Variants in PTPRD observed in about 807,000 individuals in gnomAD.
The protein encoded by PTPRD is protein tyrosine phosphatase receptor type D.
A neutral mutation model predicts 214.5 loss-of-function variants in PTPRD; 34 were observed. The ratio of observed to expected loss-of-function variants is 0.16; its 90% CI spans 0.12 to 0.21. The LOEUF (loss-of-function observed/expected upper bound fraction) is 0.21, where lower values mean the gene tolerates loss of function less well. Ranked by LOEUF, PTPRD falls within the 10% of genes least tolerant of loss-of-function variation. PTPRD has a pLI of 1.00. For missense variants in PTPRD, 2,545 were observed against 2,398.7 expected (o/e 1.06, Z -1.27); for synonymous variants, 1,128 against 845.7 (o/e 1.33, Z -5.79).
intron 5 of PTPRD, among the ~76,000 whole-genome samples, chr9:9,904,886 GA>G (rs1385095527): frequency 1.3e-5 from 2 of 152,016 alleles, no homozygotes; most frequent in Non-Finnish European, 2.9e-5. Flanking sequence ...ACGAAGTGGG[GA>G]TTTAATTTCT....
rs370918007 is a variant in PTPRD, at chr9:10,055,675, A to G, written c.-544-21885T>C. Among the ~76,000 whole-genome samples the G allele has an allele frequency of 7.0e-4, 107 of 152,176 alleles. 2 individuals carry two copies. The South Asian group carries it at 0.021, about 29-fold the overall frequency. On this transcript the variant is annotated intron_variant, in intron 3 of 45. Coordinates refer to ENST00000381196, the MANE Select transcript of PTPRD (RefSeq NM_002839.4). Reference sequence around the variant, plus strand: ...CACAGTTTTATTTTGCAGTATGTGTATATATACTGAATTATGAATAACCAT... The same window carrying G: ...CACAGTTTTATTTTGCAGTATGTGTGTATATACTGAATTATGAATAACCAT...
At chr9:9,551,918 G>A (rs770139182) in intron 8 of PTPRD, among the ~76,000 whole-genome samples, 2 of 151,486 alleles carry the variant, frequency 1.3e-5, no homozygotes, top group Non-Finnish European at 2.9e-5. Context: ...CATGCAGAAA[G>A]AAATCAGAGT....
At chr9:9,190,032 G>A (rs753880638) in intron 9 of PTPRD, among the ~76,000 whole-genome samples, 37 of 152,062 alleles carry the variant, frequency 2.4e-4, no homozygotes, top group Admixed American at 8.5e-4. Flanking sequence ...AGTGAGGACA[G>A]CATGAGAAGA....
chr9:9,476,700 T>C lies in PTPRD; in HGVS notation c.-236-79218A>G, dbSNP rs111499551. On this transcript the variant is annotated intron_variant, in intron 8 of 45. Coordinates refer to ENST00000381196, the MANE Select transcript of PTPRD (RefSeq NM_002839.4). ...ACAGATAGAAATCTGAAATTTTACA[T>C]AAGAAACCTAATAAACAAAGCACTG... Among the ~76,000 whole-genome samples the C allele has an allele frequency of 4.2e-3, 637 of 152,276 alleles. 3 individuals are homozygous for C. The highest frequency in any genetic ancestry group is 0.014 in the African/African-American group (580 of 41,548).
At chr9:10,024,319 T>C (rs986235697) in intron 4 of PTPRD, among the ~76,000 whole-genome samples, 3 of 152,186 alleles carry the variant, frequency 2.0e-5, no homozygotes. Flanking sequence ...AAGGCAATTT[T>C]CTCCTGAAAG....
At chr9:8,867,405 A>G (rs2098218144) in intron 11 of PTPRD, among the ~76,000 whole-genome samples, 1 of 152,164 alleles carries the variant, frequency 6.6e-6, no homozygotes, top group African/African-American at 2.4e-5. Flanking sequence ...ACTGTTCTGA[A>G]AAGAACAGTT....
intron 2 of PTPRD, among the ~76,000 whole-genome samples, chr9:10,385,282 T>C (rs2097895230): frequency 1.3e-5 from 2 of 151,800 alleles, no homozygotes; most frequent in Admixed American, 1.3e-4. Context: ...AGTGTGTATG[T>C]GTGTCTTATC....
intron 37 of PTPRD, among the ~76,000 whole-genome samples, chr9:8,388,474 T>G (rs957036768): frequency 6.6e-6 from 1 of 152,152 alleles, no homozygotes; most frequent in Non-Finnish European, 1.5e-5. Context: ...AGGTTAAAGG[T>G]TGATTTTCTT....
Position 10,428,399 on chromosome 9 carries a change from C to T in PTPRD, c.-599-87382G>A, listed in dbSNP as rs569575681. Reference sequence around the variant, plus strand: ...TCATAACAGATCTACCTTTAAATACCAACTGTTTAAAATTAATAAGCTATA... The same window carrying T: ...TCATAACAGATCTACCTTTAAATACTAACTGTTTAAAATTAATAAGCTATA... On this transcript the variant is annotated intron_variant, in intron 2 of 45. Coordinates refer to ENST00000381196, the MANE Select transcript of PTPRD (RefSeq NM_002839.4). Among the ~76,000 whole-genome samples the T allele has an allele frequency of 9.2e-5, 14 of 151,982 alleles. No individual in the cohort carries two copies. The South Asian group carries it at 2.9e-3, about 32-fold the overall frequency.
intron 10 of PTPRD, among the ~76,000 whole-genome samples, chr9:9,109,353 G>A (rs983808315): frequency 3.9e-5 from 6 of 152,250 alleles, no homozygotes; most frequent in African/African-American, 1.4e-4. Flanking sequence ...GTCATGAAGA[G>A]AGGCTATGGT....
chr9:8,419,460 A>G (rs2094199055), intron 35 of PTPRD, among the ~76,000 whole-genome samples: 1 of 152,076 alleles, frequency 6.6e-6, no homozygotes. Flanking sequence ...AGCGAACAAA[A>G]AACAAAAAGC....
At chr9:10,547,290 A>G (rs2060369209) in intron 2 of PTPRD, among the ~76,000 whole-genome samples, 1 of 152,020 alleles carries the variant, frequency 6.6e-6, no homozygotes, top group Admixed American at 6.6e-5. Context: ...ATGTAGTTTG[A>G]TTAATGGTTC....
chr9:9,034,502 G>A lies in PTPRD; in HGVS notation c.-142-15767C>T, dbSNP rs1010517512. 5.9e-5 allele frequency among the ~76,000 whole-genome samples: 9 copies of A among 152,144 alleles called. No individual in the cohort carries two copies. In the South Asian group the frequency reaches 1.2e-3, roughly 21 times the overall value. On this transcript the variant is annotated intron_variant, in intron 10 of 45. Coordinates refer to ENST00000381196, the MANE Select transcript of PTPRD (RefSeq NM_002839.4). ...TATGCAAAACAACTGATTTGAAGAC[G>A]GTTAAGTGCATTGTAAACATGGGGA...
At chr9:10,260,503 C>T (rs189005086) in intron 3 of PTPRD, among the ~76,000 whole-genome samples, 42 of 152,242 alleles carry the variant, frequency 2.8e-4, no homozygotes, top group South Asian at 6.2e-4. Flanking sequence ...ATGTATTTCT[C>T]CCTCAAACCT....
chr9:8,442,418 T>G (rs141188864), intron 34 of PTPRD, among the ~76,000 whole-genome samples: 7 of 152,318 alleles, frequency 4.6e-5, no homozygotes, highest in Non-Finnish European at 1.5e-5. Context: ...TTTGAAGTCA[T>G]TAATAACGGT....
intron 4 of PTPRD, among the ~76,000 whole-genome samples, chr9:9,945,019 T>C (rs2092346223): frequency 6.6e-6 from 1 of 152,102 alleles, no homozygotes; most frequent in Non-Finnish European, 1.5e-5. Flanking sequence ...GTAGCTAGAA[T>C]ATGGATTTGT....
chr9:9,947,541 A>ATAAT (rs1491539386), intron 4 of PTPRD, among the ~76,000 whole-genome samples: 4 of 25,674 alleles, frequency 1.6e-4, no homozygotes, highest in African/African-American at 8.8e-4. Context: ...TTTTATATAT[A>ATAAT]ATATATATAT....
intron 10 of PTPRD, among the ~76,000 whole-genome samples, chr9:9,088,339 G>C (rs561240541): frequency 6.6e-6 from 1 of 151,812 alleles, no homozygotes; most frequent in South Asian, 2.1e-4. Flanking sequence ...TGTGGTCCCA[G>C]CACTTTGGGA....
intron 3 of PTPRD, among the ~76,000 whole-genome samples, chr9:10,279,229 C>T (rs2154391887): frequency 6.6e-6 from 1 of 152,130 alleles, no homozygotes; most frequent in South Asian, 2.1e-4. Flanking sequence ...TATGATCATC[C>T]ACATATAGCA....
Sources: allele counts gnomAD v4.1 joint callset (sites outside exome capture counted in the v4.1 genomes callset), GRCh38; gene constraint gnomAD v4.1.1; transcripts MANE v1.5; gene names NCBI Gene and HGNC (gene_info 2026-07-23, HGNC 2026-07-21).